The following AGAP1 variants were observed in gnomAD, a reference collection of about 807,000 sequenced individuals.
The protein encoded by AGAP1 is arf-GAP with GTPase, ANK repeat and PH domain-containing protein 1.
A neutral mutation model predicts 105.3 loss-of-function variants in AGAP1; 29 were observed. The observed-to-expected ratio is 0.28, with a 90% confidence interval of 0.21 to 0.38. The LOEUF is 0.38. Among genes scored for constraint, AGAP1 ranks in the 10% least tolerant of loss-of-function variants. The pLI, the probability that AGAP1 is intolerant of heterozygous loss-of-function variation, is 1.00. For missense variants in AGAP1, 998 were observed against 1,165.1 expected, an observed-to-expected ratio of 0.86 and a Z score of 2.09; for synonymous variants, 509 against 485.9, an observed-to-expected ratio of 1.05 and a Z score of -0.63.
At chr2:236,019,082 T>C (rs911660359) in intron 13 of AGAP1, among the ~76,000 whole-genome samples, 9 of 152,328 alleles carry the variant, frequency 5.9e-5, no homozygotes, top group Admixed American at 5.9e-4. Context: ...GGCCATTCCC[T>C]CCAACACTCG....
intron 13 of AGAP1, among the ~76,000 whole-genome samples, chr2:235,996,297 C>G (rs890278969): frequency 6.6e-6 from 1 of 152,218 alleles, no homozygotes; most frequent in African/African-American, 2.4e-5. Context: ...CTGCCCACCT[C>G]TCCAGCAGAA....
chr2:235,794,482 T>A (rs565383787), intron 6 of AGAP1, among the ~76,000 whole-genome samples: 1 of 152,174 alleles, frequency 6.6e-6, no homozygotes, highest in East Asian at 1.9e-4. Context: ...AAATTAAATT[T>A]AATTTTTTTG....
At chr2:235,605,487 C>T (rs935630193) in intron 1 of AGAP1, among the ~76,000 whole-genome samples, 4 of 152,234 alleles carry the variant, frequency 2.6e-5, no homozygotes, top group African/African-American at 7.2e-5. Context: ...TGCAGCACGG[C>T]ATTATCTGGT....
intron 1 of AGAP1, among the ~76,000 whole-genome samples, chr2:235,496,477 G>A (rs2148991985): frequency 6.6e-6 from 1 of 152,282 alleles, no homozygotes; most frequent in South Asian, 2.1e-4. Flanking sequence ...CGTCTGTTAC[G>A]GGAGCTGTGA....
chr2:235,641,480 G>GGCA (rs956884127), intron 1 of AGAP1, among the ~76,000 whole-genome samples: 1 of 151,382 alleles, frequency 6.6e-6, no homozygotes, highest in African/African-American at 2.4e-5. Context: ...TGCATTCCAA[G>GGCA]GCAGCACTTC....
rs954792140 is a variant in AGAP1 at position 235,665,855 on chromosome 2, C to T, written c.164-43324C>T. 6.6e-6 allele frequency among the ~76,000 whole-genome samples: 1 copy of T among 152,178 alleles called. No individual in the cohort carries two copies. Among genetic ancestry groups the T allele is most frequent in the African/African-American group, 2.4e-5 (1 of 41,436 alleles). ...CAGGTTCTGTTATTTGGAAAGCCAG[C>T]CTGTGTAGCAGATGGCTCTGCTGAC... On this transcript the variant is annotated intron_variant, in intron 1 of 17. Coordinates refer to ENST00000304032, the MANE Select transcript of AGAP1 (RefSeq NM_001037131.3). The surrounding 1 kb of genome is among the most constrained non-coding windows in gnomAD (Gnocchi z 5.3).
chr2:236,123,213 A>G lies in AGAP1; in HGVS notation c.2371-706A>G, dbSNP rs1367678613. On this transcript the variant is annotated intron_variant, in intron 17 of 17. Transcript: ENST00000304032. This position sits in a 1 kb window ranked among gnomAD's most constrained non-coding sequence, Gnocchi z 4.6. ...CTCAGCCTCCTGCATAGCTGGGACC[A>G]CAGGCATATGCCACGTGCCCAGCTA... Among the ~76,000 whole-genome samples the G allele has an allele frequency of 1.1e-4, 16 of 152,304 alleles. No homozygotes were observed. Among genetic ancestry groups the G allele is most frequent in the Non-Finnish European group, 2.2e-4 (15 of 68,032 alleles).
chr2:235,970,355 G>T lies in AGAP1; in HGVS notation c.1645+1732G>T, dbSNP rs6757953. 0.029 allele frequency among the ~76,000 whole-genome samples: 4,369 copies of T among 152,198 alleles called. 114 individuals are homozygous for T. Among genetic ancestry groups the T allele is most frequent in the South Asian group, 0.11 (518 of 4,810 alleles). On this transcript the variant is annotated intron_variant, in intron 13 of 17. Coordinates refer to ENST00000304032, the MANE Select transcript of AGAP1 (RefSeq NM_001037131.3). This position sits in a 1 kb window ranked among gnomAD's most constrained non-coding sequence, Gnocchi z 5.4. ...CTTCCCACTGAAAACAGTATCAGCCGCAGGCGCTCTGTGTTGGTAAGACTC... is the reference window on the plus strand; with the variant it reads ...CTTCCCACTGAAAACAGTATCAGCCTCAGGCGCTCTGTGTTGGTAAGACTC...
chr2:236,017,559 A>G (rs1470055726), intron 13 of AGAP1, among the ~76,000 whole-genome samples: 1 of 152,106 alleles, frequency 6.6e-6, no homozygotes, highest in Non-Finnish European at 1.5e-5. Context: ...AAAAAACACC[A>G]CCCAAGTAAG....
At chr2:235,873,853 G>A (rs557888952) in intron 9 of AGAP1, among the ~76,000 whole-genome samples, 126 of 151,888 alleles carry the variant, frequency 8.3e-4, no homozygotes, top group Non-Finnish European at 1.3e-3. Flanking sequence ...TCAGCTTCCC[G>A]GGTAGCTGGG....
chr2:235,565,238 G>GC (rs900803240), intron 1 of AGAP1, among the ~76,000 whole-genome samples: 11 of 152,202 alleles, frequency 7.2e-5, no homozygotes, highest in African/African-American at 2.7e-4. Flanking sequence ...TCCTCCCAGG[G>GC]CCAGGTGTGA....
intron 13 of AGAP1, among the ~76,000 whole-genome samples, chr2:235,978,766 C>T (rs932614663): frequency 6.6e-6 from 1 of 152,192 alleles, no homozygotes; most frequent in African/African-American, 2.4e-5. Context: ...ATTTCTGCAG[C>T]ACAGCAGGGC....
intron 8 of AGAP1, among the ~76,000 whole-genome samples, chr2:235,802,526 A>G (rs1957542831): frequency 6.6e-6 from 1 of 152,236 alleles, no homozygotes; most frequent in South Asian, 2.1e-4. Context: ...AGAAGCTACC[A>G]CTGCAATAGG....
chr2:235,743,504 CTG>C (rs1952710266), intron 4 of AGAP1, among the ~76,000 whole-genome samples: 2 of 152,174 alleles, frequency 1.3e-5, no homozygotes, highest in African/African-American at 4.8e-5. Context: ...CTGGCACTCT[CTG>C]TGGGAGCTGC....
At position 235,879,016 on chromosome 2, in the gene AGAP1, A is replaced by C. The variant is rs1260721530; in HGVS notation, c.1051-4329A>C. ...CACCCAGAGGTTCTGCGTGGGGAGC[A>C]GGTCACCGCCCATCAGTAGGAACAG... On this transcript the variant is annotated intron_variant, in intron 9 of 17. Coordinates refer to ENST00000304032, the MANE Select transcript of AGAP1 (RefSeq NM_001037131.3). This position sits in a 1 kb window ranked among gnomAD's most constrained non-coding sequence, Gnocchi z 5.0. Among the ~76,000 whole-genome samples, 1 of 152,202 alleles carries C rather than the reference A, an allele frequency of 6.6e-6. No individual in the cohort carries two copies. The highest frequency in any genetic ancestry group is 1.5e-5 in the Non-Finnish European group (1 of 68,038).
At position 235,962,878 on chromosome 2, in the gene AGAP1, C is replaced by A. The variant is rs375516929; in HGVS notation, c.1484-5584C>A. On this transcript the variant is annotated intron_variant, in intron 12 of 17. Coordinates refer to ENST00000304032, the MANE Select transcript of AGAP1 (RefSeq NM_001037131.3). The surrounding 1 kb of genome is among the most constrained non-coding windows in gnomAD (Gnocchi z 5.3). Reference sequence around the variant, plus strand: ...ACCTCTGGCTTCTACCATCTGATGCCTGTAGCACCTCCACTCCACCCAGTT... The same window carrying A: ...ACCTCTGGCTTCTACCATCTGATGCATGTAGCACCTCCACTCCACCCAGTT... Among the ~76,000 whole-genome samples, 79 of 152,256 alleles carry A rather than the reference C, an allele frequency of 5.2e-4. No homozygotes were observed. The highest frequency in any genetic ancestry group is 1.9e-3 in the African/African-American group (78 of 41,544).
At chr2:235,849,482 C>CTCT (rs33931030) in intron 9 of AGAP1, among the ~76,000 whole-genome samples, 197 of 866 alleles carry the variant, frequency 0.23, no homozygotes, top group African/African-American at 0.47. Context: ...GCAGTGACCT[C>CTCT]TCCTGCAGTG....
intron 6 of AGAP1, among the ~76,000 whole-genome samples, chr2:235,785,462 C>T (rs1407758562): frequency 6.6e-6 from 1 of 152,204 alleles, no homozygotes; most frequent in Non-Finnish European, 1.5e-5. Context: ...GACTTTTGGC[C>T]TTTACGTCTT....
Position 235,973,921 on chromosome 2 carries a change from G to T in AGAP1, c.1645+5298G>T, listed in dbSNP as rs959869793. On this transcript the variant is annotated intron_variant, in intron 13 of 17. Transcript: ENST00000304032. The surrounding 1 kb of genome is among the most constrained non-coding windows in gnomAD (Gnocchi z 4.7). ...AAAAGCGCCTGGGCAGTGGGATTTT[G>T]CAGATCTTTAATGGCTTGTCAGCTC... Among the ~76,000 whole-genome samples, 3 of 152,118 alleles carry T rather than the reference G, an allele frequency of 2.0e-5. No individual in the cohort carries two copies. The highest frequency in any genetic ancestry group is 7.2e-5 in the African/African-American group (3 of 41,412).
Sources: allele counts gnomAD v4.1 joint callset (sites outside exome capture counted in the v4.1 genomes callset), GRCh38; gene constraint gnomAD v4.1.1; non-coding constraint Gnocchi (gnomAD v3.1); transcripts MANE v1.5; gene names NCBI Gene and HGNC (gene_info 2026-07-23, HGNC 2026-07-21).